Variants in TRPM4 observed in about 807,000 individuals in gnomAD.
TRPM4 encodes the protein transient receptor potential cation channel subfamily M member 4, also known as calcium-activated non-selective cation channel 1.
TRPM4 carries 124 observed loss-of-function variants against 135.6 expected under a neutral mutation model. That is an observed-to-expected ratio of 0.91 (90% CI 0.79 to 1.06). The LOEUF is 1.06. TRPM4 is among the 50% of genes least tolerant of loss of function. TRPM4 has a pLI of 0.00. For missense variants in TRPM4, 1,658 were observed against 1,671.4 expected (o/e 0.99, Z 0.14); for synonymous variants, 745 against 705.6 (o/e 1.06, Z -0.88).
At position 49,166,056 on chromosome 19, in the gene TRPM4, G is replaced by T. The variant is rs747457887; in HGVS notation, c.108G>T (p.Gln36His). 2.5e-6 allele frequency: 4 copies of T among 1,597,634 alleles called. No homozygotes were observed. The highest frequency in any genetic ancestry group is 1.8e-5 in the Admixed American group (1 of 56,922). ...DSTDPGGTLC[Q>H]CGRPRTAHPA... is the part of the protein sequence containing the mutation. ...GCACCCCCAGAGGGACCTTGTGCCA[G>T]TGTGGGCGCCCCCGGACCGCCCACC... The change falls in exon 3 of 25, where the codon CAG becomes CAT. Residue 36 changes from glutamine to histidine, a missense_variant. This residue lies in a region of TRPM4 where 239 missense variants were observed against 240.1 expected (regional missense o/e 1.00). Transcript: ENST00000252826.
At chr19:49,162,921 C>T (rs550430407) in intron 2 of TRPM4, among the ~76,000 whole-genome samples, 40 of 152,090 alleles carry the variant, frequency 2.6e-4, no homozygotes, top group African/African-American at 9.6e-4. Context: ...GCCACCATGC[C>T]AAGCTGATTT....
chr19:49,182,997 C>T, intron 11 of TRPM4, 75 bp downstream of exon 11: 2 of 1,599,272 alleles, frequency 1.3e-6, no homozygotes, highest in Non-Finnish European at 1.7e-6. Context: ...AGGGATGGGG[C>T]GTGGCCAAAC....
At chr19:49,159,094 C>G (rs998160135) in intron 2 of TRPM4, 1 of 140,606 alleles carries the variant, frequency 7.1e-6, no homozygotes, top group Admixed American at 7.6e-5. Flanking sequence ...TGCAGTGGCG[C>G]GATCTCGGCT....
chr19:49,175,395 G>C (rs555805567), intron 9 of TRPM4, among the ~76,000 whole-genome samples: 32 of 151,876 alleles, frequency 2.1e-4, no homozygotes, highest in African/African-American at 7.7e-4. Flanking sequence ...TTTTAGTAGA[G>C]ATGGGGTTTC....
At chr19:49,197,430 TTC>T (rs1164759319) in intron 17 of TRPM4, among the ~76,000 whole-genome samples, 3 of 149,330 alleles carry the variant, frequency 2.0e-5, no homozygotes, top group East Asian at 3.9e-4. Context: ...TCTCTTTTCT[TTC>T]TCTCTCTCTC....
rs1375956947 is a variant in TRPM4, at chr19:49,200,634, C to T, written c.2802C>T (p.Leu934=). The T allele has an allele frequency of 1.5e-5, 25 of 1,613,724 alleles. No individual in the cohort carries two copies. The highest frequency in any genetic ancestry group is 2.0e-5 in the Non-Finnish European group (24 of 1,180,018). ...AGATGAAGGACGTGTTCTTCTTCCT[C>T]TTCTTCCTCGGCGTGTGGCTGGTAG... ...SKMMKDVFFF[L]FFLGVWLVAY... is the part of the protein sequence containing the mutation. Residue 934 remains leucine, a synonymous_variant, in exon 19 of 25, where the codon CTC becomes CTT. Coordinates refer to ENST00000252826, the MANE Select transcript of TRPM4 (RefSeq NM_017636.4).
rs1600542351 is a variant in TRPM4 at position 49,210,152 on chromosome 19, T to G, written c.3132-57T>G. 6.4e-7 allele frequency: 1 copy of G among 1,572,662 alleles called. No homozygotes were observed. The highest frequency in any genetic ancestry group is 1.7e-5 in the Admixed American group (1 of 59,942). ...ATTATTGCCTGGCATCTAACCTTCG[T>G]CCTTGCCCCTGGCTGGGCCCTGACC... On this transcript the variant is annotated intron_variant, in intron 20 of 24. Coordinates refer to ENST00000252826, the MANE Select transcript of TRPM4 (RefSeq NM_017636.4). The surrounding 1 kb of genome is among the most constrained non-coding windows in gnomAD (Gnocchi z 4.1).
chr19:49,209,181 T>C (rs974903247), intron 20 of TRPM4, among the ~76,000 whole-genome samples: 1 of 152,126 alleles, frequency 6.6e-6, no homozygotes, highest in Admixed American at 6.6e-5. Flanking sequence ...CTTGTATTTT[T>C]TCAGGATGTT....
Position 49,211,248 on chromosome 19 carries a change from C to T in TRPM4, c.3619C>T (p.Pro1207Ser). ...GCTGCCCCCAGGTGGGCCGCCACCC[C>T]CTGACCTGCCTGGGTCCAAAGGTCA... ...ALLPPGGPPPPDLPGSKD is the reference protein window; with the variant it reads ...ALLPPGGPPPSDLPGSKD The change falls in exon 24 of 25, where the codon CCT becomes TCT. Residue 1207 changes from proline (P) to serine (S), a missense_variant. By Grantham distance (74) the Pro-to-Ser change is moderately conservative. This residue lies in a region of TRPM4 where 1,412 missense variants were observed against 1,408.7 expected (regional missense o/e 1.00). Transcript: ENST00000252826. This position sits in a 1 kb window ranked among gnomAD's most constrained non-coding sequence, Gnocchi z 4.8. 1 of 1,584,748 alleles carries T rather than the reference C, an allele frequency of 6.3e-7. No homozygotes were observed. Among genetic ancestry groups the T allele is most frequent in the African/African-American group, 1.3e-5 (1 of 74,600 alleles).
At chr19:49,187,785 G>A (rs1968253135) in intron 12 of TRPM4, among the ~76,000 whole-genome samples, 1 of 152,150 alleles carries the variant, frequency 6.6e-6, no homozygotes, top group Non-Finnish European at 1.5e-5. Context: ...ATAATTTGGT[G>A]GGTAGAGGCT....
At chr19:49,182,399 T>A in intron 10 of TRPM4, 179 bp from the exon 11 acceptor site, 1 of 640,184 alleles carries the variant, frequency 1.6e-6, no homozygotes, top group Non-Finnish European at 2.8e-6. Context: ...CATCTGCCCA[T>A]CCATCCATCT....
chr19:49,200,369 G>A lies in TRPM4; in HGVS notation c.2715G>A (p.Arg905=), dbSNP rs1385609036. 5 of 1,614,028 alleles carry A rather than the reference G, an allele frequency of 3.1e-6. No individual in the cohort carries two copies. The highest frequency in any genetic ancestry group is 4.2e-6 in the Non-Finnish European group (5 of 1,180,022). ...TCGACTTCATGGTTTTCACGGTGCG[G>A]CTGCTTCACATCTTCACGGTCAACA... ...LCIDFMVFTV[R]LLHIFTVNKQ... The change falls in exon 18 of 25, where the codon CGG becomes CGA. Residue 905 remains arginine, a synonymous_variant. Coordinates refer to ENST00000252826, the MANE Select transcript of TRPM4 (RefSeq NM_017636.4).
intron 9 of TRPM4, among the ~76,000 whole-genome samples, chr19:49,180,353 C>T (rs1032327308): frequency 3.3e-5 from 5 of 151,118 alleles, no homozygotes; most frequent in African/African-American, 1.2e-4. Context: ...TCATTTTCTG[C>T]TGTTGTCACC....
intron 16 of TRPM4, among the ~76,000 whole-genome samples, chr19:49,195,563 T>C (rs1313653769): frequency 6.6e-6 from 1 of 151,836 alleles, no homozygotes; most frequent in Non-Finnish European, 1.5e-5. Flanking sequence ...AGAGACGGGG[T>C]TTCTCCATGT....
intron 3 of TRPM4, among the ~76,000 whole-genome samples, chr19:49,167,407 C>T (rs1453923648): frequency 8.9e-6 from 1 of 112,640 alleles, no homozygotes; most frequent in Non-Finnish European, 1.9e-5. Context: ...TTCCCCTTTA[C>T]TCTGGGTTTC....
Position 49,210,745 on chromosome 19 carries a change from C to T in TRPM4, c.3364C>T (p.Leu1122=), listed in dbSNP as rs772268692. ...TTCTAAGGAAGCCGAGCGGAAGCTG[C>T]TAACGTGGGAATCGGTGCATAAGGA... is the stretch of plus-strand genomic sequence containing the variant. The part of the protein sequence containing the change: ...YLSKEAERKL[L]TWESVHKENF... Residue 1122 remains leucine (L), a synonymous_variant, in exon 22 of 25, where the codon CTA becomes TTA. Coordinates refer to ENST00000252826, the MANE Select transcript of TRPM4 (RefSeq NM_017636.4). The surrounding 1 kb of genome is among the most constrained non-coding windows in gnomAD (Gnocchi z 4.1). The T allele has an allele frequency of 6.2e-6, 10 of 1,614,158 alleles. No individual in the cohort carries two copies. Among genetic ancestry groups the T allele is most frequent in the East Asian group, 2.2e-5 (1 of 44,878 alleles).
intron 16 of TRPM4, among the ~76,000 whole-genome samples, chr19:49,192,431 C>A (rs910200597): frequency 3.3e-5 from 5 of 152,188 alleles, no homozygotes; most frequent in Non-Finnish European, 7.3e-5. Context: ...GCATGAGCCA[C>A]CATGCCTGGC....
chr19:49,205,727 G>T (rs1323325655), intron 20 of TRPM4, among the ~76,000 whole-genome samples: 1 of 151,426 alleles, frequency 6.6e-6, no homozygotes, highest in Non-Finnish European at 1.5e-5. Flanking sequence ...GTAGGGACGG[G>T]GTTTCACCAT....
At chr19:49,208,644 A>T (rs922856719) in intron 20 of TRPM4, among the ~76,000 whole-genome samples, 1 of 152,074 alleles carries the variant, frequency 6.6e-6, no homozygotes, top group Non-Finnish European at 1.5e-5. Context: ...CTAATGATTG[A>T]TATTCATATA....
Sources: gnomAD v4.1 joint callset for allele counts (sites outside exome capture counted in the v4.1 genomes callset) on GRCh38, gnomAD v4.1.1 for gene constraint, gnomAD v4.1.1 regional missense constraint, Gnocchi (gnomAD v3.1) non-coding constraint, MANE v1.5 for transcripts, NCBI Gene and HGNC (gene_info 2026-07-23, HGNC 2026-07-21) for gene names.